GPBP1: variants seen among roughly 807,000 people sequenced by gnomAD.
GPBP1 encodes the protein vasculin.
A neutral mutation model predicts 56.5 loss-of-function variants in GPBP1; 13 were observed. The observed-to-expected ratio is 0.23, with a 90% CI of 0.15 to 0.37. The LOEUF (loss-of-function observed/expected upper bound fraction) is 0.37. Among genes scored for constraint, GPBP1 ranks in the 10% least tolerant of loss-of-function variants. The pLI is 1.00. For synonymous variants in GPBP1, 204 were observed against 188.9 expected, an observed-to-expected ratio of 1.08 and a Z score of -0.66; for missense variants, 477 against 572.3, an observed-to-expected ratio of 0.83 and a Z score of 1.70.
chr5:57,220,668 CA>C (rs1441369052), intron 3 of GPBP1, among the ~76,000 whole-genome samples: 1 of 151,964 alleles, frequency 6.6e-6, no homozygotes, highest in Non-Finnish European at 1.5e-5. Context: ...TCATATTGTC[CA>C]GGCTGGTCTT....
intron 2 of GPBP1, among the ~76,000 whole-genome samples, chr5:57,178,754 A>G (rs1314945917): frequency 6.6e-6 from 1 of 152,108 alleles, no homozygotes; most frequent in East Asian, 1.9e-4. Context: ...TTTTCTGGAG[A>G]TTGGAATAAA....
intron 2 of GPBP1, among the ~76,000 whole-genome samples, chr5:57,180,748 G>GT (rs1270119544): frequency 6.6e-6 from 1 of 152,054 alleles, no homozygotes; most frequent in African/African-American, 2.4e-5. Flanking sequence ...TTTTTTTGGG[G>GT]TTTTTTGTTT....
chr5:57,205,027 G>A, intron 2 of GPBP1, among the ~76,000 whole-genome samples: 1 of 152,088 alleles, frequency 6.6e-6, no homozygotes. Flanking sequence ...CATTCATAGT[G>A]TTTTCAAGCC....
At chr5:57,256,983 A>G (rs1200682628) in intron 10 of GPBP1, among the ~76,000 whole-genome samples, 1 of 151,888 alleles carries the variant, frequency 6.6e-6, no homozygotes, top group Non-Finnish European at 1.5e-5. Context: ...TTATATACAT[A>G]TAAATACTCA....
At chr5:57,247,336 A>G in intron 8 of GPBP1, 121 bp downstream of exon 8, 2 of 824,736 alleles carry the variant, frequency 2.4e-6, no homozygotes, top group Non-Finnish European at 3.5e-6. Flanking sequence ...CCTTCAGAAA[A>G]CTGGATTCAT....
intron 2 of GPBP1, among the ~76,000 whole-genome samples, chr5:57,213,520 A>G (rs1277812746): frequency 1.3e-5 from 2 of 151,000 alleles, no homozygotes; most frequent in African/African-American, 4.9e-5. Flanking sequence ...TTCTTAGTTC[A>G]TCTGCCCATT....
At position 57,217,139 on chromosome 5, in the gene GPBP1, G is replaced by A. The variant is rs555869007; in HGVS notation, c.63+2946G>A. Among the ~76,000 whole-genome samples the A allele has an allele frequency of 4.6e-5, 7 of 152,202 alleles. No homozygotes were observed. The South Asian group carries it at 1.4e-3, about 32-fold the overall frequency. On this transcript the variant is annotated intron_variant, in intron 3 of 11. Transcript: ENST00000506184. Reference sequence around the variant, plus strand: ...TTTTGATAGATTATATGCCACTAGTGATTTCTTTAATAGTCTGCAAAGTGG... The same window carrying A: ...TTTTGATAGATTATATGCCACTAGTAATTTCTTTAATAGTCTGCAAAGTGG...
Position 57,175,670 on chromosome 5 carries a change from C to CA in GPBP1, c.-785dup, listed in dbSNP as rs776455788. The CA allele has an allele frequency of 1.0e-5, 4 of 396,434 alleles. No individual in the cohort carries two copies. Among genetic ancestry groups the CA allele is most frequent in the African/African-American group, 4.1e-5 (2 of 48,608 alleles). The allele number at this position is 396,434 out of a possible 1,614,324, so 24.6% of individuals were successfully genotyped here. ...GCAGCATTTCTTCAGTATTTTGGTT[C>CA]AAACGGATTATATAACTGGTTACAG... On this transcript the variant is annotated 5_prime_UTR_variant, in exon 2 of 12. Coordinates refer to ENST00000506184, the MANE Select transcript of GPBP1 (RefSeq NM_022913.4).
chr5:57,225,507 A>AC (rs1756146153), intron 3 of GPBP1, among the ~76,000 whole-genome samples: 30 of 141,518 alleles, frequency 2.1e-4, no homozygotes, highest in South Asian at 4.7e-4. Context: ...AAAAAAAAAA[A>AC]AAAACAAACT....
At chr5:57,181,175 CAT>C (rs1389565338) in intron 2 of GPBP1, among the ~76,000 whole-genome samples, 1 of 151,886 alleles carries the variant, frequency 6.6e-6, no homozygotes, top group Non-Finnish European at 1.5e-5. Context: ...CTCTACAAAA[CAT>C]AAAAAAAATT....
intron 2 of GPBP1, among the ~76,000 whole-genome samples, chr5:57,204,856 T>G (rs140614954): frequency 6.6e-6 from 1 of 152,340 alleles, no homozygotes; most frequent in Non-Finnish European, 1.5e-5. Context: ...TAGAATAACC[T>G]GTTTCCTAAA....
intron 3 of GPBP1, among the ~76,000 whole-genome samples, chr5:57,218,702 T>C (rs573430401): frequency 6.6e-6 from 1 of 152,184 alleles, no homozygotes; most frequent in Non-Finnish European, 1.5e-5. Flanking sequence ...TCACCTCAAG[T>C]GATCCGCCTG....
chr5:57,228,432 G>A (rs1011587445), intron 3 of GPBP1, among the ~76,000 whole-genome samples: 2 of 151,190 alleles, frequency 1.3e-5, no homozygotes, highest in South Asian at 4.2e-4. Flanking sequence ...TCCAGCCTGG[G>A]TGACAGAGCG....
intron 3 of GPBP1, among the ~76,000 whole-genome samples, chr5:57,219,749 C>T (rs945026037): frequency 6.6e-6 from 1 of 151,948 alleles, no homozygotes; most frequent in Non-Finnish European, 1.5e-5. Flanking sequence ...ACATAAAGCA[C>T]AGTAATAAAA....
intron 2 of GPBP1, among the ~76,000 whole-genome samples, chr5:57,192,571 T>G (rs1754571523): frequency 6.6e-6 from 1 of 151,844 alleles, no homozygotes; most frequent in Non-Finnish European, 1.5e-5. Flanking sequence ...CTGACCAACA[T>G]GGAGAAACTC....
chr5:57,217,030 C>G (rs571368219), intron 3 of GPBP1, among the ~76,000 whole-genome samples: 7 of 152,188 alleles, frequency 4.6e-5, no homozygotes, highest in East Asian at 1.9e-4. Context: ...TACAGACATT[C>G]AAGGAGAGTG....
intron 2 of GPBP1, among the ~76,000 whole-genome samples, chr5:57,191,044 G>A (rs1255308723): frequency 6.6e-6 from 1 of 151,918 alleles, no homozygotes; most frequent in Non-Finnish European, 1.5e-5. Flanking sequence ...CCCAAGTGCT[G>A]GGGTTACAGG....
intron 2 of GPBP1, among the ~76,000 whole-genome samples, chr5:57,178,594 G>A (rs988009272): frequency 2.6e-5 from 4 of 152,300 alleles, no homozygotes; most frequent in African/African-American, 9.6e-5. Context: ...CTAAGCAGTA[G>A]TGTTAGGATA....
At chr5:57,240,430 C>G (rs1302723793) in intron 6 of GPBP1, among the ~76,000 whole-genome samples, 4 of 152,158 alleles carry the variant, frequency 2.6e-5, no homozygotes, top group Non-Finnish European at 4.4e-5. Flanking sequence ...ACTTATAAGC[C>G]TCTTACCCCA....
Sources: gnomAD v4.1 joint callset for allele counts (sites outside exome capture counted in the v4.1 genomes callset) on GRCh38, gnomAD v4.1.1 for gene constraint, MANE v1.5 for transcripts, NCBI Gene and HGNC (gene_info 2026-07-23, HGNC 2026-07-21) for gene names.